The following PAX5 variants were observed in gnomAD, a reference collection of about 807,000 sequenced individuals.
The protein encoded by PAX5 is paired box 5, also known as paired box protein Pax-5.
A neutral mutation model predicts 43.7 loss-of-function variants in PAX5; 9 were observed. The observed-to-expected ratio is 0.21, with a 90% CI of 0.12 to 0.36. PAX5 has a LOEUF of 0.36. Among genes scored for constraint, PAX5 ranks in the 10% least tolerant of loss-of-function variants. The pLI is 1.00. For missense variants in PAX5, 383 were observed against 532.7 expected (o/e 0.72, Z 2.77); for synonymous variants, 228 against 214.3 (o/e 1.06, Z -0.56).
At chr9:36,842,758 C>CCGGCCTTT (rs1196217703) in intron 9 of PAX5, among the ~76,000 whole-genome samples, 1 of 152,184 alleles carries the variant, frequency 6.6e-6, no homozygotes, top group Admixed American at 6.5e-5. Flanking sequence ...TTGACCGCAG[C>CCGGCCTTT]CGGCCTTTCT....
intron 7 of PAX5, among the ~76,000 whole-genome samples, chr9:36,898,320 A>G (rs1237027294): frequency 3.9e-5 from 6 of 152,096 alleles, no homozygotes; most frequent in Non-Finnish European, 7.4e-5. Context: ...TCTGCTCCTC[A>G]GTTTTCTTGT....
intron 7 of PAX5, among the ~76,000 whole-genome samples, chr9:36,910,963 C>T (rs1430457644): frequency 6.6e-6 from 1 of 152,166 alleles, no homozygotes; most frequent in Non-Finnish European, 1.5e-5. Flanking sequence ...TTCATTTGTA[C>T]ATTTAAAAGG....
At chr9:36,862,804 A>G (rs57969519) in intron 8 of PAX5, among the ~76,000 whole-genome samples, 1,536 of 152,256 alleles carry the variant, frequency 0.01, 26 homozygotes, top group African/African-American at 0.035. Flanking sequence ...GTGGTCCTCC[A>G]ATGCGGCAGA....
intron 4 of PAX5, 123 bp from the exon 5 acceptor site, chr9:37,002,899 A>G: frequency 8.1e-7 from 1 of 1,236,492 alleles, no homozygotes. Context: ...GGGGGCGCTG[A>G]GGACCCTCGC....
chr9:36,949,940 C>T (rs956789412), intron 6 of PAX5, among the ~76,000 whole-genome samples: 3 of 152,232 alleles, frequency 2.0e-5, no homozygotes, highest in Non-Finnish European at 4.4e-5. Context: ...TCTTCACCTA[C>T]CCTCGACCTC....
chr9:36,953,502 G>A (rs1014204041), intron 6 of PAX5, among the ~76,000 whole-genome samples: 1 of 151,934 alleles, frequency 6.6e-6, no homozygotes, highest in Non-Finnish European at 1.5e-5. Context: ...TAGGTGTTCT[G>A]TTCTGGTTTT....
chr9:36,986,969 G>T (rs565152651), intron 5 of PAX5, among the ~76,000 whole-genome samples: 3 of 152,224 alleles, frequency 2.0e-5, no homozygotes, highest in Non-Finnish European at 4.4e-5. Flanking sequence ...AGGGAGGAAG[G>T]CCTGGCAGCA....
chr9:36,924,170 A>G (rs1228341143), intron 6 of PAX5, among the ~76,000 whole-genome samples: 1 of 152,244 alleles, frequency 6.6e-6, no homozygotes, highest in Non-Finnish European at 1.5e-5. Flanking sequence ...CACAGGGTGC[A>G]CATATCTAAT....
At chr9:36,863,201 A>C (rs1824397935) in intron 8 of PAX5, among the ~76,000 whole-genome samples, 1 of 152,236 alleles carries the variant, frequency 6.6e-6, no homozygotes, top group Non-Finnish European at 1.5e-5. Flanking sequence ...AAACGTAAGG[A>C]TAAGTCCAAT....
At chr9:36,848,128 G>C (rs1165813806) in intron 8 of PAX5, among the ~76,000 whole-genome samples, 1 of 152,122 alleles carries the variant, frequency 6.6e-6, no homozygotes, top group Non-Finnish European at 1.5e-5. Context: ...TCCCCTACAA[G>C]GATGCTTACA....
At chr9:36,923,333 C>T (rs754967936) in intron 7 of PAX5, 22 bp downstream of exon 7, 4 of 1,604,510 alleles carry the variant, frequency 2.5e-6, no homozygotes, top group Non-Finnish European at 3.4e-6. Context: ...TCACTCATCC[C>T]CCATGCCCCA....
At chr9:36,900,237 C>T (rs921173610) in intron 7 of PAX5, among the ~76,000 whole-genome samples, 1 of 152,196 alleles carries the variant, frequency 6.6e-6, no homozygotes, top group Non-Finnish European at 1.5e-5. Context: ...TAGACACGTG[C>T]GTGTGAGTCT....
chr9:37,002,844 C>G (rs944505595), intron 4 of PAX5, 68 bp from the exon 5 acceptor site: 3 of 1,491,110 alleles, frequency 2.0e-6, no homozygotes, highest in Non-Finnish European at 2.7e-6. Flanking sequence ...TGTCACCGCA[C>G]GTGAGGCTGG....
chr9:36,889,894 T>C (rs1379418611), intron 7 of PAX5, among the ~76,000 whole-genome samples: 1 of 143,116 alleles, frequency 7.0e-6, no homozygotes, highest in Non-Finnish European at 1.5e-5. Context: ...TTTCTTTTTC[T>C]TTTTCATAGA....
intron 8 of PAX5, 61 bp from the exon 9 acceptor site, chr9:36,846,990 C>A (rs1822657867): frequency 8.1e-7 from 1 of 1,230,714 alleles, no homozygotes; most frequent in South Asian, 1.2e-5. Context: ...TCAGAAAAGG[C>A]CCTGGGTCCC....
Position 36,954,773 on chromosome 9 carries a change from G to T in PAX5, c.780+11776C>A, listed in dbSNP as rs548368963. On this transcript the variant is annotated intron_variant, in intron 6 of 9. Transcript: ENST00000358127. ...TCTTGCAACAGTTTTGTTTCACAAA[G>T]TCTTAGCTATTATTTCTTCAAATAT... Among the ~76,000 whole-genome samples, 4 of 152,252 alleles carry T rather than the reference G, an allele frequency of 2.6e-5. No individual in the cohort carries two copies. The South Asian group carries it at 8.3e-4, about 32-fold the overall frequency.
Position 36,894,275 on chromosome 9 carries a change from C to T in PAX5, c.911-12170G>A, listed in dbSNP as rs887014760. Among the ~76,000 whole-genome samples the T allele has an allele frequency of 4.6e-5, 7 of 152,194 alleles. No individual in the cohort carries two copies. The South Asian group carries it at 1.5e-3, about 32-fold the overall frequency. The stretch of plus-strand genomic sequence containing the variant: ...ATGTTTGCCCAGCACCTCTTGCCCA[C>T]CCTGGGTAGGAGCTGCTAATTCAGA... On this transcript the variant is annotated intron_variant, in intron 7 of 9. Transcript: ENST00000358127.
rs535627362 is a variant in PAX5, at chr9:37,022,037, T to C, written c.47-1236A>G. On this transcript the variant is annotated intron_variant, in intron 1 of 9. Coordinates refer to ENST00000358127, the MANE Select transcript of PAX5 (RefSeq NM_016734.3). Reference sequence around the variant, plus strand: ...CCCCAGTACTAAACTACAACCCAGGTTCATGAACCTCATCTGAAATAAAGG... The same window carrying C: ...CCCCAGTACTAAACTACAACCCAGGCTCATGAACCTCATCTGAAATAAAGG... 3.3e-5 allele frequency among the ~76,000 whole-genome samples: 5 copies of C among 152,232 alleles called. No individual in the cohort carries two copies. The East Asian group carries it at 9.7e-4, about 29-fold the overall frequency.
chr9:36,876,159 G>A (rs907431769), intron 8 of PAX5, among the ~76,000 whole-genome samples: 2 of 152,194 alleles, frequency 1.3e-5, no homozygotes, highest in African/African-American at 4.8e-5. Flanking sequence ...CTCCCCCTGT[G>A]GTGTTCAGTG....
Sources: gnomAD v4.1 joint callset for allele counts (sites outside exome capture counted in the v4.1 genomes callset) on GRCh38, gnomAD v4.1.1 for gene constraint, MANE v1.5 for transcripts, NCBI Gene and HGNC (gene_info 2026-07-23, HGNC 2026-07-21) for gene names.